The following GPC5 variants were observed in gnomAD, a reference collection of about 807,000 sequenced individuals.
GPC5 encodes the protein glypican 5, also known as glypican-5.
In GPC5, 47 loss-of-function variants were observed where a neutral mutation model predicts 53.9. The observed-to-expected ratio is 0.87, with a 90% CI of 0.69 to 1.11. The LOEUF (loss-of-function observed/expected upper bound fraction) is 1.11. Ranked by LOEUF, GPC5 falls within the 50% of genes most tolerant of loss-of-function variation. The probability of loss-of-function intolerance (pLI) is 0.00; values close to 1 mark genes in which losing one functional copy is unlikely to be tolerated. For missense variants in GPC5, 748 were observed against 713.1 expected (o/e 1.05, Z -0.56); for synonymous variants, 286 against 263.3 (o/e 1.09, Z -0.84).
At chr13:91,409,639 A>ATTTTC (rs538049306) in intron 1 of GPC5, among the ~76,000 whole-genome samples, 9 of 152,028 alleles carry the variant, frequency 5.9e-5, no homozygotes, top group African/African-American at 7.3e-5. Flanking sequence ...ATGATCACAT[A>ATTTTC]TTTTCTTTTC....
intron 7 of GPC5, among the ~76,000 whole-genome samples, chr13:92,177,427 T>C (rs181447617): frequency 6.6e-6 from 1 of 152,372 alleles, no homozygotes; most frequent in African/African-American, 2.4e-5. Flanking sequence ...TGATGGAAAG[T>C]TGATCTTTCC....
In GPC5 at chr13:92,482,140, A is replaced by T. The variant is rs1183350061; in HGVS notation, c.1561+337151A>T. On this transcript the variant is annotated intron_variant, in intron 7 of 7. Transcript: ENST00000377067. ...GGGCAAAACTCTGCCTAAAAAAAAAAAATTCCTGATGTTGGGTGCGTAGCA... is the reference window on the plus strand; with the variant it reads ...GGGCAAAACTCTGCCTAAAAAAAAATAATTCCTGATGTTGGGTGCGTAGCA... Among the ~76,000 whole-genome samples the T allele has an allele frequency of 2.8e-4, 42 of 152,228 alleles. No homozygotes were observed. The South Asian group carries it at 8.5e-3, about 31-fold the overall frequency.
intron 6 of GPC5, among the ~76,000 whole-genome samples, chr13:92,101,414 T>A (rs968468472): frequency 3.3e-5 from 5 of 152,214 alleles, no homozygotes; most frequent in African/African-American, 1.2e-4. Flanking sequence ...GTTGAGCTTG[T>A]AAGTGTCTAT....
At chr13:92,628,643 G>T (rs1885134396) in intron 7 of GPC5, among the ~76,000 whole-genome samples, 2 of 152,056 alleles carry the variant, frequency 1.3e-5, no homozygotes, top group Non-Finnish European at 2.9e-5. Flanking sequence ...GATTTAAAAT[G>T]GTGGGCATGG....
Position 92,004,458 on chromosome 13 carries a change from T to TTA in GPC5, c.1401+96432_1401+96433dup, listed in dbSNP as rs58376767. 2.2e-3 allele frequency among the ~76,000 whole-genome samples: 182 copies of TTA among 82,484 alleles called. 2 individuals carry two copies. Among genetic ancestry groups the TTA allele is most frequent in the African/African-American group, 8.4e-3 (144 of 17,210 alleles). 54.1% of individuals were successfully genotyped at this position (82,484 alleles called of 152,430 possible). A position where few individuals can be genotyped will look rare whatever the true frequency, so the allele number is the denominator to read the frequency against. Reference sequence around the variant, plus strand: ...GACTCCGTCTCAAAAAAAAAAAAAATTATATATATATATATATATATATAT... The same window carrying TTA: ...GACTCCGTCTCAAAAAAAAAAAAAATTATATATATATATATATATATATATAT... On this transcript the variant is annotated intron_variant, in intron 6 of 7. Coordinates refer to ENST00000377067, the MANE Select transcript of GPC5 (RefSeq NM_004466.6).
chr13:92,204,616 T>C (rs774810942), intron 7 of GPC5, among the ~76,000 whole-genome samples: 1 of 152,198 alleles, frequency 6.6e-6, no homozygotes, highest in Non-Finnish European at 1.5e-5. Flanking sequence ...GATAATTCAC[T>C]AGAAAAACTT....
At chr13:92,675,724 A>G (rs997668227) in intron 7 of GPC5, among the ~76,000 whole-genome samples, 1 of 152,104 alleles carries the variant, frequency 6.6e-6, no homozygotes, top group Admixed American at 6.6e-5. Flanking sequence ...TTTCCTCTCC[A>G]GGAAACTAGA....
intron 2 of GPC5, among the ~76,000 whole-genome samples, chr13:91,516,519 AG>A (rs1885507475): frequency 6.6e-6 from 1 of 152,168 alleles, no homozygotes; most frequent in East Asian, 1.9e-4. Context: ...GTGGCTTTGC[AG>A]GGTACAGCCT....
At chr13:92,098,734 A>G (rs527270593) in intron 6 of GPC5, among the ~76,000 whole-genome samples, 7 of 152,300 alleles carry the variant, frequency 4.6e-5, no homozygotes, top group African/African-American at 1.7e-4. Flanking sequence ...GGTGAGTCCA[A>G]CGTAATCACA....
At chr13:92,375,692 G>A (rs188168264) in intron 7 of GPC5, among the ~76,000 whole-genome samples, 6 of 152,274 alleles carry the variant, frequency 3.9e-5, no homozygotes, top group African/African-American at 9.6e-5. Context: ...TGTCAAAAAC[G>A]GAAGGCTTGG....
intron 7 of GPC5, among the ~76,000 whole-genome samples, chr13:92,416,555 A>G (rs1240241865): frequency 6.6e-6 from 1 of 152,236 alleles, no homozygotes. Flanking sequence ...ACATCACACC[A>G]TATACGAAAA....
intron 7 of GPC5, among the ~76,000 whole-genome samples, chr13:92,436,210 C>T (rs1329790527): frequency 6.6e-6 from 1 of 152,120 alleles, no homozygotes; most frequent in Non-Finnish European, 1.5e-5. Context: ...ATGAATTGAA[C>T]TGTTTCTTCT....
chr13:91,910,048 T>A (rs2039595440), intron 6 of GPC5, among the ~76,000 whole-genome samples: 1 of 152,208 alleles, frequency 6.6e-6, no homozygotes, highest in Non-Finnish European at 1.5e-5. Context: ...TTGAGGTCTA[T>A]CCTTTTAAGG....
chr13:91,708,210 T>TG (rs376085245), intron 3 of GPC5, among the ~76,000 whole-genome samples: 4 of 152,290 alleles, frequency 2.6e-5, no homozygotes, highest in African/African-American at 9.6e-5. Flanking sequence ...GACATAGTCT[T>TG]AAAGTTCTAG....
chr13:92,487,912 G>A (rs186385129), intron 7 of GPC5, among the ~76,000 whole-genome samples: 247 of 151,732 alleles, frequency 1.6e-3, no homozygotes, highest in Non-Finnish European at 2.5e-3. Flanking sequence ...CCTTTGATGA[G>A]AAGAGGTAAG....
At chr13:92,247,619 T>G (rs1362156393) in intron 7 of GPC5, among the ~76,000 whole-genome samples, 1 of 152,122 alleles carries the variant, frequency 6.6e-6, no homozygotes, top group African/African-American at 2.4e-5. Flanking sequence ...ACATAATACA[T>G]AGGAGGTGAT....
Position 92,740,916 on chromosome 13 carries a change from A to G in GPC5, c.1562-125366A>G, listed in dbSNP as rs9516127. On this transcript the variant is annotated intron_variant, in intron 7 of 7. Transcript: ENST00000377067. ...TTTATTTATATATATATATATATAT[A>G]TATGTGCATATGTATGCATGTATGT... 5.0e-3 allele frequency among the ~76,000 whole-genome samples: 641 copies of G among 129,410 alleles called. 7 individuals are homozygous for G. Among genetic ancestry groups the G allele is most frequent in the African/African-American group, 0.016 (559 of 34,182 alleles). The allele number at this position is 129,410 out of a possible 152,430, so 84.9% of individuals were successfully genotyped here.
At chr13:91,868,684 G>T (rs1404433458) in intron 5 of GPC5, among the ~76,000 whole-genome samples, 3 of 152,120 alleles carry the variant, frequency 2.0e-5, no homozygotes, top group Admixed American at 2.0e-4. Context: ...CAGCCTGGGT[G>T]ACAGAATGAG....
At chr13:91,933,356 A>G (rs1447089272) in intron 6 of GPC5, among the ~76,000 whole-genome samples, 1 of 151,968 alleles carries the variant, frequency 6.6e-6, no homozygotes, top group African/African-American at 2.4e-5. Flanking sequence ...CAAATCATGT[A>G]TCATGAATAC....
Sources: allele counts gnomAD v4.1 joint callset (sites outside exome capture counted in the v4.1 genomes callset), GRCh38; gene constraint gnomAD v4.1.1; transcripts MANE v1.5; gene names NCBI Gene and HGNC (gene_info 2026-07-23, HGNC 2026-07-21).